Variants in TTPA observed in about 807,000 individuals in gnomAD.
The protein encoded by TTPA is alpha tocopherol transfer protein, also known as alpha-tocopherol transfer protein.
Under a neutral mutation model 25.9 loss-of-function variants are expected in TTPA, and 23 were observed. That is an observed-to-expected ratio of 0.89 (90% CI 0.64 to 1.26). The LOEUF is 1.26. Among genes scored for constraint, TTPA ranks in the 50% most tolerant of loss-of-function variants. TTPA has a pLI of 0.00. For missense variants in TTPA, 337 were observed against 353.1 expected, an observed-to-expected ratio of 0.95 and a Z score of 0.37; for synonymous variants, 148 against 137.3, an observed-to-expected ratio of 1.08 and a Z score of -0.54.
At chr8:63,059,484 T>A (rs1805267623), downstream of TTPA, among the ~76,000 whole-genome samples, 1 of 152,174 alleles carries the variant, frequency 6.6e-6, no homozygotes, top group East Asian at 1.9e-4. Flanking sequence ...CTGATTAAAC[T>A]AATTTTCTTA....
Position 63,061,659 on chromosome 8 carries a change from A to G in TTPA, c.664-234T>C, listed in dbSNP as rs4737626. ...ATTTGCATTCTTATAACTGCATAAA[A>G]TTTATAAAAAGTTATTTTCCTCTTT... is the stretch of plus-strand genomic sequence containing the variant. On this transcript the variant is annotated intron_variant, in intron 4 of 4. Coordinates refer to ENST00000260116, the MANE Select transcript of TTPA (RefSeq NM_000370.3). 0.078 allele frequency among the ~76,000 whole-genome samples: 11,899 copies of G among 152,266 alleles called. 914 individuals are homozygous for G. Among genetic ancestry groups the G allele is most frequent in the East Asian group, 0.42 (2,155 of 5,166 alleles).
chr8:63,081,094 C>A (rs57145420), intron 1 of TTPA, among the ~76,000 whole-genome samples: 4,083 of 151,728 alleles, frequency 0.027, 192 homozygotes, highest in African/African-American at 0.094. Flanking sequence ...CCTTCTGAAA[C>A]TATTCCAATC....
rs148983981 is a variant in TTPA at position 63,068,867 on chromosome 8, A to G, written c.359-2770T>C. Among the ~76,000 whole-genome samples the G allele has an allele frequency of 2.2e-3, 339 of 152,260 alleles. 9 individuals carry two copies. The East Asian group carries it at 0.059, about 27-fold the overall frequency. On this transcript the variant is annotated intron_variant, in intron 2 of 4. Transcript: ENST00000260116. ...TGTTAGTGTTTTTTAAAAGCCTCAG[A>G]TTTCTGGCCGGGCATGGTGGCTCAC...
intron 1 of TTPA, 152 bp downstream of exon 1, chr8:63,085,666 C>A (rs1297484521): frequency 1.2e-6 from 1 of 849,766 alleles, no homozygotes. Context: ...TCTACAGCCT[C>A]AGCGCCCACG....
chr8:63,059,519 C>T lies in TTPA; in HGVS notation c.*1733G>A, dbSNP rs1296391471. Among the ~76,000 whole-genome samples the T allele has an allele frequency of 6.6e-6, 1 of 152,046 alleles. No individual in the cohort carries two copies. Among genetic ancestry groups the T allele is most frequent in the African/African-American group, 2.4e-5 (1 of 41,414 alleles). ...ATAAAGAAAAACACCCTTCACATAT[C>T]CTTACATAAAGATACTATTAATGTA... On this transcript the variant is annotated 3_prime_UTR_variant, in exon 5 of 5. Coordinates refer to ENST00000260116, the MANE Select transcript of TTPA (RefSeq NM_000370.3).
intron 2 of TTPA, among the ~76,000 whole-genome samples, chr8:63,068,958 C>T (rs545553600): frequency 4.0e-5 from 6 of 151,894 alleles, no homozygotes; most frequent in African/African-American, 1.2e-4. Flanking sequence ...AGTTCAAGAC[C>T]AGCCTGGCCA....
intron 2 of TTPA, among the ~76,000 whole-genome samples, chr8:63,067,321 A>C (rs1805408947): frequency 6.6e-6 from 1 of 152,164 alleles, no homozygotes; most frequent in Admixed American, 6.5e-5. Flanking sequence ...ATGTATGAAT[A>C]GAAAGGTAAG....
At chr8:63,064,122 G>A in intron 4 of TTPA, 84 bp downstream of exon 4, 1 of 985,870 alleles carries the variant, frequency 1.0e-6, no homozygotes. Context: ...CAGGTACGAG[G>A]AAAGATGATA....
chr8:63,072,905 A>G (rs1444396401), intron 2 of TTPA, 30 bp downstream of exon 2: 9 of 1,610,348 alleles, frequency 5.6e-6, no homozygotes, highest in Non-Finnish European at 7.6e-6. Flanking sequence ...GGAGGAGAGG[A>G]GAAAAAAAAA....
intron 1 of TTPA, among the ~76,000 whole-genome samples, chr8:63,078,600 C>G (rs749173804): frequency 5.9e-5 from 9 of 151,870 alleles, no homozygotes; most frequent in Non-Finnish European, 1.3e-4. Context: ...GATTAAAGAT[C>G]AAATTAATAA....
intron 2 of TTPA, among the ~76,000 whole-genome samples, chr8:63,066,959 C>T (rs890268428): frequency 1.3e-5 from 2 of 151,926 alleles, no homozygotes; most frequent in East Asian, 1.9e-4. Flanking sequence ...CCTGTATTTC[C>T]AGCTACTCGG....
chr8:63,060,308 A>T lies in TTPA; in HGVS notation c.*944T>A, dbSNP rs565787405. The T allele has an allele frequency of 4.6e-5, 7 of 152,350 alleles. 1 individual carries two copies. The South Asian group carries it at 1.4e-3, about 32-fold the overall frequency. 9.4% of individuals were successfully genotyped at this position (152,350 alleles called of 1,614,324 possible). A position where few individuals can be genotyped will look rare whatever the true frequency, so the allele number is the denominator to read the frequency against. The stretch of plus-strand genomic sequence containing the variant: ...GCAAAGCAGATATTGAGAAGCCATC[A>T]ACTGTGCCTGACGTATTTTCTAAAT... On this transcript the variant is annotated 3_prime_UTR_variant, in exon 5 of 5. Transcript: ENST00000260116.
chr8:63,072,431 T>G (rs1250412009), intron 2 of TTPA, among the ~76,000 whole-genome samples: 1 of 152,098 alleles, frequency 6.6e-6, no homozygotes, highest in Non-Finnish European at 1.5e-5. Context: ...CCCAGCTAAT[T>G]TTTGTACTTT....
At chr8:63,081,720 A>C (rs559119384) in intron 1 of TTPA, among the ~76,000 whole-genome samples, 1 of 152,338 alleles carries the variant, frequency 6.6e-6, no homozygotes, top group Admixed American at 6.5e-5. Flanking sequence ...TGCAGAAGAC[A>C]TGACTGTAAA....
At chr8:63,072,387 C>T (rs373366792) in intron 2 of TTPA, among the ~76,000 whole-genome samples, 4 of 152,120 alleles carry the variant, frequency 2.6e-5, no homozygotes, top group Admixed American at 1.3e-4. Flanking sequence ...CTCGGCCTCC[C>T]GAGTAGCTGG....
At chr8:63,076,656 T>C (rs1333097847) in intron 1 of TTPA, among the ~76,000 whole-genome samples, 2 of 152,196 alleles carry the variant, frequency 1.3e-5, no homozygotes, top group Admixed American at 6.5e-5. Context: ...ATTTTTCTAT[T>C]TAAACATTAC....
chr8:63,068,969 G>A (rs7823275), intron 2 of TTPA, among the ~76,000 whole-genome samples: 125,599 of 151,958 alleles, frequency 0.83, 52,593 homozygotes, highest in East Asian at 0.98. Context: ...AGCCTGGCCA[G>A]CATGGTGAAA....
intron 1 of TTPA, among the ~76,000 whole-genome samples, chr8:63,074,922 A>T (rs556621606): frequency 6.6e-6 from 1 of 152,232 alleles, no homozygotes. Context: ...TGTTGAATGA[A>T]AGAATAAATT....
chr8:63,069,131 G>A (rs1185193615), intron 2 of TTPA, among the ~76,000 whole-genome samples: 3 of 151,860 alleles, frequency 2.0e-5, no homozygotes, highest in African/African-American at 7.3e-5. Flanking sequence ...TCCAGCCTGG[G>A]CAACAGAACA....
Sources: allele counts gnomAD v4.1 joint callset (sites outside exome capture counted in the v4.1 genomes callset), GRCh38; gene constraint gnomAD v4.1.1; transcripts MANE v1.5; gene names NCBI Gene and HGNC (gene_info 2026-07-23, HGNC 2026-07-21).